CLSTN2: variants seen among roughly 807,000 people sequenced by gnomAD.
CLSTN2 encodes calsyntenin 2, also known as calsyntenin-2.
Under a neutral mutation model 101.2 loss-of-function variants are expected in CLSTN2, and 48 were observed. That is an observed-to-expected ratio of 0.47 (90% CI 0.38 to 0.60). CLSTN2 has a LOEUF of 0.60. Among genes scored for constraint, CLSTN2 ranks in the 20% least tolerant of loss-of-function variants. CLSTN2 has a pLI of 0.00. For missense variants in CLSTN2, 1,160 were observed against 1,238.2 expected, an observed-to-expected ratio of 0.94 and a Z score of 0.95; for synonymous variants, 481 against 463.6, an observed-to-expected ratio of 1.04 and a Z score of -0.48.
chr3:140,077,372 T>C (rs2008510249), intron 1 of CLSTN2, among the ~76,000 whole-genome samples: 4 of 152,210 alleles, frequency 2.6e-5, no homozygotes, highest in Non-Finnish European at 4.4e-5. Flanking sequence ...AGCAGGCTGA[T>C]TGGCTTATCA....
chr3:140,032,166 T>C (rs1369556745), intron 1 of CLSTN2, among the ~76,000 whole-genome samples: 1 of 152,100 alleles, frequency 6.6e-6, no homozygotes, highest in Non-Finnish European at 1.5e-5. Context: ...AACAGACTTA[T>C]TGGGGAGAAA....
chr3:140,178,958 T>G (rs2010365788), intron 2 of CLSTN2, among the ~76,000 whole-genome samples: 1 of 152,174 alleles, frequency 6.6e-6, no homozygotes, highest in South Asian at 2.1e-4. Flanking sequence ...ATACCATTTG[T>G]GCTCTTATTT....
At chr3:140,459,055 G>A (rs1325327539) in intron 6 of CLSTN2, among the ~76,000 whole-genome samples, 1 of 152,130 alleles carries the variant, frequency 6.6e-6, no homozygotes, top group Non-Finnish European at 1.5e-5. Flanking sequence ...CAACTTGCTG[G>A]CTCTGAACTG....
At chr3:140,022,384 G>A (rs1191310378) in intron 1 of CLSTN2, among the ~76,000 whole-genome samples, 2 of 152,226 alleles carry the variant, frequency 1.3e-5, no homozygotes. Context: ...GTTCACATGC[G>A]ATGTGCAAGT....
intron 1 of CLSTN2, among the ~76,000 whole-genome samples, chr3:140,159,865 C>T (rs1019991376): frequency 6.6e-6 from 1 of 152,126 alleles, no homozygotes; most frequent in Admixed American, 6.6e-5. Flanking sequence ...TTTGCAGCAA[C>T]ATGAATGCAG....
At chr3:140,218,597 T>C (rs1358244186) in intron 2 of CLSTN2, among the ~76,000 whole-genome samples, 1 of 152,202 alleles carries the variant, frequency 6.6e-6, no homozygotes, top group African/African-American at 2.4e-5. Flanking sequence ...AAAACCTTCC[T>C]GATTTTTACA....
intron 5 of CLSTN2, among the ~76,000 whole-genome samples, chr3:140,441,042 C>A (rs1030185938): frequency 3.3e-5 from 5 of 152,238 alleles, no homozygotes; most frequent in African/African-American, 1.2e-4. Context: ...ACCACCCCTG[C>A]CTCCTTCCAG....
chr3:140,393,476 G>A (rs571709504), intron 2 of CLSTN2, among the ~76,000 whole-genome samples: 21 of 152,346 alleles, frequency 1.4e-4, no homozygotes, highest in South Asian at 4.1e-4. Flanking sequence ...TTAACCCGCT[G>A]AATGGAGTCT....
chr3:140,303,892 G>A (rs1321942605), intron 2 of CLSTN2, among the ~76,000 whole-genome samples: 1 of 151,608 alleles, frequency 6.6e-6, no homozygotes, highest in African/African-American at 2.4e-5. Context: ...TGCAGCTTTG[G>A]CACTTTAAAA....
intron 2 of CLSTN2, among the ~76,000 whole-genome samples, chr3:140,398,735 T>C (rs1346857564): frequency 6.6e-6 from 1 of 152,214 alleles, no homozygotes; most frequent in East Asian, 1.9e-4. Context: ...CTCAGTTTCC[T>C]CATCTAAAAA....
chr3:140,572,866 C>T lies in CLSTN2; in HGVS notation c.*6613C>T, dbSNP rs566074321. Reference sequence around the variant, plus strand: ...GTGCAGTGAGGGTGCCAAAGCAAACCACCCCCAGCCCCCATCCTGGGCCTT... The same window carrying T: ...GTGCAGTGAGGGTGCCAAAGCAAACTACCCCCAGCCCCCATCCTGGGCCTT... On this transcript the variant is annotated 3_prime_UTR_variant, in exon 17 of 17. Transcript: ENST00000458420. 1 of 152,504 alleles carries T rather than the reference C, an allele frequency of 6.6e-6. No homozygotes were observed. The highest frequency in any genetic ancestry group is 2.1e-4 in the South Asian group (1 of 4,834). 9.4% of individuals were successfully genotyped at this position (152,504 alleles called of 1,614,324 possible).
At chr3:140,205,551 T>A (rs2010769640) in intron 2 of CLSTN2, among the ~76,000 whole-genome samples, 1 of 147,156 alleles carries the variant, frequency 6.8e-6, no homozygotes, top group South Asian at 2.2e-4. Context: ...GCAGAAAAAA[T>A]TAGGAAAGCC....
At chr3:140,534,329 C>G (rs573735745) in intron 9 of CLSTN2, among the ~76,000 whole-genome samples, 1 of 152,154 alleles carries the variant, frequency 6.6e-6, no homozygotes, top group African/African-American at 2.4e-5. Context: ...CATTTGAATC[C>G]CTGTCACCCC....
At chr3:140,243,444 C>A (rs1247686515) in intron 2 of CLSTN2, among the ~76,000 whole-genome samples, 1 of 152,142 alleles carries the variant, frequency 6.6e-6, no homozygotes, top group Non-Finnish European at 1.5e-5. Context: ...TGTCTTTTGC[C>A]TGTGGTTTAG....
At chr3:140,242,881 CA>C (rs977963614) in intron 2 of CLSTN2, among the ~76,000 whole-genome samples, 3 of 152,202 alleles carry the variant, frequency 2.0e-5, no homozygotes, top group African/African-American at 7.2e-5. Context: ...TGAGCTGTCC[CA>C]CGCTGCCCTC....
intron 1 of CLSTN2, among the ~76,000 whole-genome samples, chr3:140,160,261 T>C (rs571973385): frequency 1.3e-5 from 2 of 152,284 alleles, no homozygotes; most frequent in East Asian, 3.9e-4. Flanking sequence ...TTATTTTCAC[T>C]GACATACAGA....
intron 7 of CLSTN2, among the ~76,000 whole-genome samples, chr3:140,465,900 C>T (rs1288065837): frequency 3.3e-5 from 5 of 152,154 alleles, no homozygotes; most frequent in Non-Finnish European, 7.3e-5. Context: ...TAATAAGGTT[C>T]AAGTTCTCTA....
chr3:140,379,087 CTTG>C (rs2087951190), intron 2 of CLSTN2, among the ~76,000 whole-genome samples: 1 of 152,198 alleles, frequency 6.6e-6, no homozygotes, highest in Admixed American at 6.5e-5. Context: ...CCATTCCAAT[CTTG>C]TTGTCTGGCA....
chr3:140,511,002 C>A (rs113321482), intron 8 of CLSTN2, among the ~76,000 whole-genome samples: 9,437 of 152,216 alleles, frequency 0.062, 696 homozygotes, highest in East Asian at 0.3. Context: ...CTGATGCTCT[C>A]CCTCCCCTTA....
Sources: gnomAD v4.1 joint callset for allele counts (sites outside exome capture counted in the v4.1 genomes callset) on GRCh38, gnomAD v4.1.1 for gene constraint, MANE v1.5 for transcripts, NCBI Gene and HGNC (gene_info 2026-07-23, HGNC 2026-07-21) for gene names.